EPB41L5: variants seen among roughly 807,000 people sequenced by gnomAD.
The protein encoded by EPB41L5 is band 4.1-like protein 5.
In EPB41L5, 55 loss-of-function variants were observed where a neutral mutation model predicts 106.6. The ratio of observed to expected loss-of-function variants is 0.52; its 90% CI spans 0.42 to 0.65. The LOEUF (loss-of-function observed/expected upper bound fraction) is 0.65. Among genes scored for constraint, EPB41L5 ranks in the 30% least tolerant of loss-of-function variants. The probability of loss-of-function intolerance (pLI) is 0.00; values close to 1 mark genes in which losing one functional copy is unlikely to be tolerated. For synonymous variants in EPB41L5, 297 were observed against 306.7 expected (o/e 0.97, Z 0.33); for missense variants, 871 against 882.1 (o/e 0.99, Z 0.16).
intron 16 of EPB41L5, among the ~76,000 whole-genome samples, chr2:120,114,358 C>T (rs780876530): frequency 6.6e-6 from 1 of 152,078 alleles, no homozygotes; most frequent in Non-Finnish European, 1.5e-5. Flanking sequence ...GAATTTTGAT[C>T]TTTTCCTGGG....
intron 11 of EPB41L5, among the ~76,000 whole-genome samples, chr2:120,090,049 C>T (rs781632616): frequency 4.6e-5 from 7 of 151,798 alleles, no homozygotes; most frequent in Admixed American, 6.6e-5. Context: ...TATGATTCCT[C>T]AAATTATAAT....
chr2:120,100,322 C>A, intron 15 of EPB41L5, 36 bp downstream of exon 15: 2 of 1,591,258 alleles, frequency 1.3e-6, no homozygotes, highest in Admixed American at 1.7e-5. Flanking sequence ...CACTGGATCA[C>A]CCGTTAATTA....
At chr2:120,035,077 C>G (rs1273325148) in intron 2 of EPB41L5, among the ~76,000 whole-genome samples, 2 of 152,070 alleles carry the variant, frequency 1.3e-5, no homozygotes, top group African/African-American at 2.4e-5. Flanking sequence ...TAATTTCTGC[C>G]TGGGATTTGT....
At chr2:120,029,045 T>C (rs1360887274) in intron 2 of EPB41L5, among the ~76,000 whole-genome samples, 2 of 152,154 alleles carry the variant, frequency 1.3e-5, no homozygotes, top group African/African-American at 4.8e-5. Flanking sequence ...AGGATTGCTA[T>C]GAGATTTGGC....
chr2:120,087,037 A>G, intron 10 of EPB41L5, 134 bp from the exon 11 acceptor site: 1 of 561,388 alleles, frequency 1.8e-6, no homozygotes, highest in East Asian at 3.0e-5. Flanking sequence ...GGGCATTGCA[A>G]GTTACGTTTA....
At chr2:120,067,791 TCTG>T in intron 3 of EPB41L5, among the ~76,000 whole-genome samples, 1 of 152,328 alleles carries the variant, frequency 6.6e-6, no homozygotes, top group Middle Eastern at 3.4e-3. Flanking sequence ...TTGGTTATAA[TCTG>T]CTAATAAATT....
intron 24 of EPB41L5, among the ~76,000 whole-genome samples, chr2:120,171,891 T>G (rs955779096): frequency 3.3e-5 from 5 of 151,840 alleles, no homozygotes; most frequent in Admixed American, 1.3e-4. Flanking sequence ...CAATGTGAAT[T>G]TTGACAAATA....
Position 120,174,858 on chromosome 2 carries a change from C to T in EPB41L5, c.2153C>T (p.Ala718Val), listed in dbSNP as rs1469124156. ...DAVTSSGPIL[A>V]EEAVLKQKCL... ...CCTTTCAGCTCTGGTCCCATTTTGG[C>T]AGAAGAAGCTGTCCTGAAGCAGAAG... The change falls in exon 25 of 25, where the codon GCA (alanine) becomes GTA (valine). Residue 718 changes from alanine to valine, a missense_variant. Ala to Val is a moderately conservative substitution (Grantham distance 64). Coordinates refer to ENST00000263713, the MANE Select transcript of EPB41L5 (RefSeq NM_020909.4). 1.2e-6 allele frequency: 2 copies of T among 1,614,114 alleles called. No individual in the cohort carries two copies. Among genetic ancestry groups the T allele is most frequent in the East Asian group, 4.5e-5 (2 of 44,874 alleles).
intron 18 of EPB41L5, among the ~76,000 whole-genome samples, chr2:120,134,372 CT>C (rs1477613015): frequency 1.3e-5 from 2 of 152,228 alleles, no homozygotes; most frequent in Middle Eastern, 3.4e-3. Context: ...AACCTGCAGT[CT>C]TACAGAGAAA....
chr2:120,158,716 A>C (rs188125542), intron 20 of EPB41L5, among the ~76,000 whole-genome samples: 1 of 152,198 alleles, frequency 6.6e-6, no homozygotes, highest in African/African-American at 2.4e-5. Context: ...CCTATTCAAC[A>C]TAGTATTGGA....
At chr2:120,144,387 G>A (rs1391479651) in intron 19 of EPB41L5, among the ~76,000 whole-genome samples, 1 of 152,128 alleles carries the variant, frequency 6.6e-6, no homozygotes, top group East Asian at 1.9e-4. Context: ...TTATTTATAG[G>A]CCACTCAGAT....
At chr2:120,126,477 G>T (rs1402166648) in intron 16 of EPB41L5, among the ~76,000 whole-genome samples, 1 of 152,088 alleles carries the variant, frequency 6.6e-6, no homozygotes, top group African/African-American at 2.4e-5. Flanking sequence ...CAATTTTTGT[G>T]TATAGTGTGA....
chr2:120,144,496 T>C (rs1281809252), intron 19 of EPB41L5, among the ~76,000 whole-genome samples: 1 of 152,198 alleles, frequency 6.6e-6, no homozygotes, highest in Non-Finnish European at 1.5e-5. Flanking sequence ...AATAGAGAAG[T>C]AACATGAGTA....
chr2:120,125,453 G>A (rs1460339014), intron 16 of EPB41L5, among the ~76,000 whole-genome samples: 1 of 152,134 alleles, frequency 6.6e-6, no homozygotes, highest in African/African-American at 2.4e-5. Flanking sequence ...TCCCAAATGT[G>A]CAGATTCATA....
chr2:120,104,028 C>A, intron 16 of EPB41L5: 1 of 1,498,040 alleles, frequency 6.7e-7, no homozygotes, highest in South Asian at 1.3e-5. Flanking sequence ...TATTGACTAA[C>A]TGTGCTCCCC....
intron 14 of EPB41L5, among the ~76,000 whole-genome samples, chr2:120,094,071 C>CT (rs1286334727): frequency 1.3e-5 from 2 of 152,120 alleles, no homozygotes; most frequent in Non-Finnish European, 2.9e-5. Context: ...ACTGCAGCCT[C>CT]TCCCTCCTAG....
chr2:120,106,772 A>G (rs1376584842), intron 16 of EPB41L5: 7 of 985,032 alleles, frequency 7.1e-6, no homozygotes, highest in Admixed American at 1.2e-4. Flanking sequence ...AAATGAGCTC[A>G]TAAGATCATC....
intron 14 of EPB41L5, among the ~76,000 whole-genome samples, chr2:120,095,772 G>A (rs867297522): frequency 3.1e-4 from 47 of 152,014 alleles, no homozygotes; most frequent in African/African-American, 1.1e-3. Context: ...AGGTTCAAGC[G>A]ATTCTCCTGC....
chr2:120,112,023 T>G lies in EPB41L5; in HGVS notation c.1337+11209T>G, dbSNP rs185508792. Among the ~76,000 whole-genome samples the G allele has an allele frequency of 1.9e-3, 282 of 152,218 alleles. 1 individual carries two copies. Among genetic ancestry groups the G allele is most frequent in the African/African-American group, 6.5e-3 (270 of 41,552 alleles). ...ATGGTTCATTCCGGCACCATCAGGT[T>G]TCTTATTGGAGAAGCCTTTCCTGAC... On this transcript the variant is annotated intron_variant, in intron 16 of 24. Coordinates refer to ENST00000263713, the MANE Select transcript of EPB41L5 (RefSeq NM_020909.4).
Sources: gnomAD v4.1 joint callset for allele counts (sites outside exome capture counted in the v4.1 genomes callset) on GRCh38, gnomAD v4.1.1 for gene constraint, MANE v1.5 for transcripts, NCBI Gene and HGNC (gene_info 2026-07-23, HGNC 2026-07-21) for gene names.